Variants in IPPK observed in about 807,000 individuals in gnomAD.
IPPK encodes IPK1 homolog.
Under a neutral mutation model 64.6 loss-of-function variants are expected in IPPK, and 22 were observed. That is an observed-to-expected ratio of 0.34 (90% CI 0.24 to 0.49). The LOEUF (loss-of-function observed/expected upper bound fraction) is 0.49. Ranked by LOEUF, IPPK falls within the 20% of genes least tolerant of loss-of-function variation. The pLI is 0.99. For synonymous variants in IPPK, 262 were observed against 247.2 expected (o/e 1.06, Z -0.56); for missense variants, 532 against 630.7 (o/e 0.84, Z 1.68).
chr9:92,665,061 C>T (rs574428367), intron 1 of IPPK, among the ~76,000 whole-genome samples: 20 of 152,226 alleles, frequency 1.3e-4, no homozygotes, highest in African/African-American at 4.3e-4. Context: ...AAACAAAGAG[C>T]GAGCCACAAG....
intron 6 of IPPK, among the ~76,000 whole-genome samples, chr9:92,647,024 A>G (rs1464222651): frequency 6.6e-6 from 1 of 152,256 alleles, no homozygotes; most frequent in African/African-American, 2.4e-5. Context: ...AAAACTGAAT[A>G]AAACCAAAAG....
At chr9:92,649,295 G>C (rs1436025084) in intron 5 of IPPK, among the ~76,000 whole-genome samples, 158 bp downstream of exon 5, 1 of 152,134 alleles carries the variant, frequency 6.6e-6, no homozygotes, top group Admixed American at 6.5e-5. Context: ...CGCAGGTGGG[G>C]GCTGTGGAAG....
At chr9:92,652,177 C>A (rs1449674515) in intron 4 of IPPK, among the ~76,000 whole-genome samples, 1 of 151,384 alleles carries the variant, frequency 6.6e-6, no homozygotes, top group Non-Finnish European at 1.5e-5. Flanking sequence ...TGGCTGGGCA[C>A]GGTGGCTCAC....
At chr9:92,647,681 G>C (rs1170900939) in intron 6 of IPPK, among the ~76,000 whole-genome samples, 1 of 151,686 alleles carries the variant, frequency 6.6e-6, no homozygotes, top group Non-Finnish European at 1.5e-5. Flanking sequence ...CTAGATAGAA[G>C]TGGTGATTGT....
intron 11 of IPPK, among the ~76,000 whole-genome samples, chr9:92,627,577 C>G (rs1440396269): frequency 6.6e-6 from 1 of 152,188 alleles, no homozygotes; most frequent in Non-Finnish European, 1.5e-5. Context: ...TAATACACCA[C>G]ATTAACAGAA....
At chr9:92,651,413 G>T (rs989576398) in intron 4 of IPPK, among the ~76,000 whole-genome samples, 6 of 152,214 alleles carry the variant, frequency 3.9e-5, no homozygotes, top group Non-Finnish European at 8.8e-5. Context: ...GAGAAAGGGA[G>T]AGGCGAAGGG....
chr9:92,627,943 C>T lies in IPPK; in HGVS notation c.1170+6443G>A, dbSNP rs1010661166. On this transcript the variant is annotated intron_variant, in intron 11 of 12. Coordinates refer to ENST00000287996, the MANE Select transcript of IPPK (RefSeq NM_022755.6). ...CACATGATCTTAAATAGAGAGAATC[C>T]TAAAAAAATCCACTAAAAAACTATT... is the stretch of plus-strand genomic sequence containing the variant. Among the ~76,000 whole-genome samples, 3 of 152,098 alleles carry T rather than the reference C, an allele frequency of 2.0e-5. No homozygotes were observed. The East Asian group carries it at 5.8e-4, about 29-fold the overall frequency.
At chr9:92,629,997 A>G (rs1046464002) in intron 11 of IPPK, among the ~76,000 whole-genome samples, 8 of 152,216 alleles carry the variant, frequency 5.3e-5, no homozygotes, top group Admixed American at 4.6e-4. Context: ...TCAAAAATTT[A>G]AACATAAAAG....
intron 11 of IPPK, among the ~76,000 whole-genome samples, chr9:92,633,869 A>AT (rs1587626529): frequency 6.6e-6 from 1 of 152,138 alleles, no homozygotes; most frequent in Non-Finnish European, 1.5e-5. Flanking sequence ...TGAAGATGCC[A>AT]TTTTTTTCCT....
At chr9:92,659,590 C>T (rs766619660) in intron 1 of IPPK, among the ~76,000 whole-genome samples, 2 of 152,106 alleles carry the variant, frequency 1.3e-5, no homozygotes, top group African/African-American at 2.4e-5. Context: ...GGGGCTCTAA[C>T]GGCAGTGCAA....
intron 9 of IPPK, among the ~76,000 whole-genome samples, chr9:92,636,008 T>C (rs996907268): frequency 3.3e-5 from 5 of 152,070 alleles, no homozygotes. Context: ...TGTTATATCA[T>C]AGGGACAGAG....
At chr9:92,659,337 T>C (rs1274059368) in intron 1 of IPPK, among the ~76,000 whole-genome samples, 1 of 152,182 alleles carries the variant, frequency 6.6e-6, no homozygotes, top group East Asian at 1.9e-4. Flanking sequence ...TCTGAGTACT[T>C]TTCTGCAGGT....
chr9:92,643,309 C>A (rs574521710), intron 6 of IPPK, among the ~76,000 whole-genome samples: 1 of 152,292 alleles, frequency 6.6e-6, no homozygotes, highest in South Asian at 2.1e-4. Flanking sequence ...GAAGAAGTAG[C>A]ACAGGGCAAA....
intron 1 of IPPK, among the ~76,000 whole-genome samples, chr9:92,665,763 C>T (rs1852582689): frequency 6.6e-6 from 1 of 152,026 alleles, no homozygotes; most frequent in Non-Finnish European, 1.5e-5. Flanking sequence ...AATTCATCCA[C>T]TACAAAATAA....
intron 11 of IPPK, among the ~76,000 whole-genome samples, chr9:92,631,370 A>G (rs1851842699): frequency 6.6e-6 from 1 of 151,850 alleles, no homozygotes; most frequent in Non-Finnish European, 1.5e-5. Flanking sequence ...TAATTTTTGT[A>G]TTTTTAGTAG....
chr9:92,663,190 A>T (rs1852522357), intron 1 of IPPK, among the ~76,000 whole-genome samples: 4 of 152,262 alleles, frequency 2.6e-5, no homozygotes, highest in Admixed American at 1.3e-4. Flanking sequence ...TGGGTCAGTG[A>T]TGGACTGCAT....
At position 92,656,720 on chromosome 9, in the gene IPPK, C is replaced by T. The variant is rs114171202; in HGVS notation, c.130-169G>A. 1.4e-3 allele frequency among the ~76,000 whole-genome samples: 215 copies of T among 152,250 alleles called. 1 individual carries two copies. Among genetic ancestry groups the T allele is most frequent in the African/African-American group, 4.9e-3 (205 of 41,558 alleles). On this transcript the variant is annotated intron_variant, in intron 2 of 12. Transcript: ENST00000287996. The stretch of plus-strand genomic sequence containing the variant: ...CAGACCCAGGGGAAGGTCCCCAGTG[C>T]CCTTCCTCACCAGCGTCCCTCCCCA...
At chr9:92,654,199 T>C (rs1331297044) in intron 3 of IPPK, among the ~76,000 whole-genome samples, 2 of 152,212 alleles carry the variant, frequency 1.3e-5, no homozygotes, top group African/African-American at 2.4e-5. Context: ...GATTTTATAA[T>C]ATGCATATCT....
chr9:92,655,298 T>C (rs1036201556), intron 3 of IPPK, among the ~76,000 whole-genome samples: 3 of 152,214 alleles, frequency 2.0e-5, no homozygotes, highest in African/African-American at 7.2e-5. Flanking sequence ...CAGCCTGGAA[T>C]GGGCTCTGCA....
Sources: allele counts gnomAD v4.1 joint callset (sites outside exome capture counted in the v4.1 genomes callset), GRCh38; gene constraint gnomAD v4.1.1; transcripts MANE v1.5; gene names NCBI Gene and HGNC (gene_info 2026-07-23, HGNC 2026-07-21).